The following DLGAP2 variants were observed in gnomAD, a reference collection of about 807,000 sequenced individuals.
DLGAP2 encodes DLG associated protein 2.
DLGAP2 carries 26 observed loss-of-function variants against 100.3 expected under a neutral mutation model. The ratio of observed to expected loss-of-function variants is 0.26; its 90% CI spans 0.19 to 0.36. The LOEUF is 0.36. DLGAP2 is among the 10% of genes least tolerant of loss of function. The pLI, the probability that DLGAP2 is intolerant of heterozygous loss-of-function variation, is 1.00. For synonymous variants in DLGAP2, 886 were observed against 630.1 expected, an observed-to-expected ratio of 1.41 and a Z score of -6.08; for missense variants, 1,858 against 1,453.2, an observed-to-expected ratio of 1.28 and a Z score of -4.53.
chr8:983,093 G>T (rs7013279), intron 2 of DLGAP2, among the ~76,000 whole-genome samples: 2 of 152,164 alleles, frequency 1.3e-5, no homozygotes, highest in Non-Finnish European at 2.9e-5. Context: ...GAACTTACCC[G>T]ATGGACCTGA....
intron 2 of DLGAP2, among the ~76,000 whole-genome samples, chr8:1,108,362 G>C (rs189494686): frequency 6.6e-6 from 1 of 152,200 alleles, no homozygotes. Context: ...GAAACCCTGG[G>C]AGCAGCCTTC....
intron 1 of DLGAP2, among the ~76,000 whole-genome samples, chr8:854,314 C>T (rs984729417): frequency 6.6e-6 from 1 of 152,054 alleles, no homozygotes; most frequent in Admixed American, 6.5e-5. Flanking sequence ...GAGTGGGGGC[C>T]TTCAGTGGGT....
chr8:855,202 G>A (rs1298515650), intron 1 of DLGAP2, among the ~76,000 whole-genome samples: 1 of 152,238 alleles, frequency 6.6e-6, no homozygotes, highest in Admixed American at 6.5e-5. Flanking sequence ...AGGCATTTAT[G>A]TGGGATCATT....
chr8:1,426,270 C>G (rs533515505), intron 3 of DLGAP2, among the ~76,000 whole-genome samples: 51 of 152,264 alleles, frequency 3.3e-4, no homozygotes, highest in African/African-American at 1.2e-3. Flanking sequence ...CTATGAAAAA[C>G]GAGGAGACTA....
rs1165407011 is a variant in DLGAP2 at position 1,390,314 on chromosome 8, A to G, written c.107-111052A>G. Among the ~76,000 whole-genome samples the G allele has an allele frequency of 2.6e-5, 4 of 152,192 alleles. No individual in the cohort carries two copies. The East Asian group carries it at 7.7e-4, about 29-fold the overall frequency. ...CTACACAACGCTGTGGTGTGCTTGTATCTTTACAAACTCTTATGTATGACC... is the reference window on the plus strand; with the variant it reads ...CTACACAACGCTGTGGTGTGCTTGTGTCTTTACAAACTCTTATGTATGACC... On this transcript the variant is annotated intron_variant, in intron 3 of 14. Transcript: ENST00000637795.
chr8:1,145,512 T>C (rs1796590888), intron 2 of DLGAP2, among the ~76,000 whole-genome samples: 1 of 152,148 alleles, frequency 6.6e-6, no homozygotes, highest in African/African-American at 2.4e-5. Context: ...AACAGACCCC[T>C]CTCCTCCTTC....
intron 2 of DLGAP2, among the ~76,000 whole-genome samples, chr8:1,013,693 GCCTCCATTGTGTGTA>G (rs1457259122): frequency 9.1e-5 from 8 of 87,634 alleles, no homozygotes; most frequent in African/African-American, 4.7e-4. Context: ...GACAGACGAT[GCCTCCATTGTGTGTA>G]TGACCAGGAC....
intron 2 of DLGAP2, among the ~76,000 whole-genome samples, chr8:1,239,991 C>G (rs576249465): frequency 6.7e-4 from 89 of 133,024 alleles, no homozygotes; most frequent in Non-Finnish European, 1.1e-3. Flanking sequence ...GTCTAGTTCT[C>G]TCTCACACAG....
At chr8:1,427,528 C>T (rs1290643616) in intron 3 of DLGAP2, among the ~76,000 whole-genome samples, 4 of 152,184 alleles carry the variant, frequency 2.6e-5, no homozygotes, top group Non-Finnish European at 1.5e-5. Context: ...TATGGTTTGG[C>T]TGTGTCCCTA....
chr8:1,266,585 C>A (rs969208139), intron 3 of DLGAP2, among the ~76,000 whole-genome samples: 1 of 152,246 alleles, frequency 6.6e-6, no homozygotes, highest in African/African-American at 2.4e-5. Context: ...CTTGCCCCTA[C>A]TGGTCTGTCC....
intron 2 of DLGAP2, among the ~76,000 whole-genome samples, chr8:1,207,164 T>A (rs1439405689): frequency 6.6e-6 from 1 of 152,198 alleles, no homozygotes; most frequent in Non-Finnish European, 1.5e-5. Context: ...GAGTGGTGAT[T>A]TCTGAGATTT....
intron 2 of DLGAP2, among the ~76,000 whole-genome samples, chr8:1,023,781 C>T (rs548817604): frequency 8.6e-5 from 13 of 151,262 alleles, no homozygotes; most frequent in Non-Finnish European, 1.5e-4. Context: ...GGGGCATTCC[C>T]GTTTCAATGT....
chr8:1,257,458 G>A (rs562716963), intron 2 of DLGAP2, among the ~76,000 whole-genome samples: 1 of 151,372 alleles, frequency 6.6e-6, no homozygotes, highest in African/African-American at 2.4e-5. Flanking sequence ...ATCCTTCTGG[G>A]CAGATGCTGC....
intron 3 of DLGAP2, among the ~76,000 whole-genome samples, chr8:1,271,680 G>A (rs1799586975): frequency 6.6e-6 from 1 of 152,184 alleles, no homozygotes; most frequent in Admixed American, 6.5e-5. Flanking sequence ...ATAGAAACAG[G>A]GTAGAGTGGT....
At chr8:983,258 C>T (rs1800391134) in intron 2 of DLGAP2, among the ~76,000 whole-genome samples, 1 of 152,000 alleles carries the variant, frequency 6.6e-6, no homozygotes, top group Non-Finnish European at 1.5e-5. Context: ...CCCTTAGAAT[C>T]CACGTGTTGG....
At chr8:1,253,238 C>A (rs1799090079) in intron 2 of DLGAP2, among the ~76,000 whole-genome samples, 2 of 152,220 alleles carry the variant, frequency 1.3e-5, no homozygotes, top group African/African-American at 4.8e-5. Context: ...CGGGCTGTGT[C>A]CACCACGCAG....
chr8:1,471,546 C>G (rs1200071267), intron 3 of DLGAP2, among the ~76,000 whole-genome samples: 1 of 148,394 alleles, frequency 6.7e-6, no homozygotes, highest in Non-Finnish European at 1.5e-5. Context: ...CAGCCTCCTC[C>G]TAACCTCCTC....
At chr8:1,597,852 C>G in intron 6 of DLGAP2, among the ~76,000 whole-genome samples, 1 of 152,158 alleles carries the variant, frequency 6.6e-6, no homozygotes, top group South Asian at 2.1e-4. Flanking sequence ...TATTTGAATA[C>G]CTTTTATTTC....
At chr8:1,303,589 ACT>A in intron 3 of DLGAP2, among the ~76,000 whole-genome samples, 1 of 151,858 alleles carries the variant, frequency 6.6e-6, no homozygotes, top group South Asian at 2.1e-4. Flanking sequence ...TAAAGGTGTA[ACT>A]CTCTCTTAAC....
Sources: allele counts gnomAD v4.1 joint callset (sites outside exome capture counted in the v4.1 genomes callset), GRCh38; gene constraint gnomAD v4.1.1; transcripts MANE v1.5; gene names NCBI Gene and HGNC (gene_info 2026-07-23, HGNC 2026-07-21).